The following ASAP1 variants were observed in gnomAD, a reference collection of about 807,000 sequenced individuals.
ASAP1 encodes the protein ArfGAP with SH3 domain, ankyrin repeat and PH domain 1.
In ASAP1, 43 loss-of-function variants were observed where a neutral mutation model predicts 145.2. The ratio of observed to expected loss-of-function variants is 0.30; its 90% CI spans 0.23 to 0.38. The LOEUF is 0.38. ASAP1 is among the 10% of genes least tolerant of loss of function. ASAP1 has a pLI of 1.00. For synonymous variants in ASAP1, 546 were observed against 515.5 expected, an observed-to-expected ratio of 1.06 and a Z score of -0.80; for missense variants, 1,018 against 1,355.3, an observed-to-expected ratio of 0.75 and a Z score of 3.91.
intron 2 of ASAP1, among the ~76,000 whole-genome samples, chr8:130,370,210 G>A (rs55686856): frequency 0.028 from 4,275 of 152,298 alleles, 72 homozygotes; most frequent in African/African-American, 0.048. Context: ...GCTGAGGCAG[G>A]AGAATAGCTT....
chr8:130,091,898 A>ACAGGCCACTGCC (rs2097506269), intron 25 of ASAP1, 75 bp downstream of exon 25: 1 of 1,417,754 alleles, frequency 7.1e-7, no homozygotes, highest in Admixed American at 2.8e-5. Context: ...GAATGTGCTA[A>ACAGGCCACTGCC]CAGGCCACTG....
chr8:130,123,882 C>A, intron 18 of ASAP1, 131 bp downstream of exon 18: 2 of 627,682 alleles, frequency 3.2e-6, no homozygotes, highest in Non-Finnish European at 5.5e-6. Flanking sequence ...TTTGCCTCAG[C>A]CTCCCAAAGT....
At position 130,101,732 on chromosome 8, in the gene ASAP1, A is replaced by ATTTTTTTTTTTTTTTTTT. The variant is rs59778799; in HGVS notation, c.2402-9607_2402-9590dup. Among the ~76,000 whole-genome samples the ATTTTTTTTTTTTTTTTTT allele has an allele frequency of 4.4e-3, 379 of 86,888 alleles. 30 individuals carry two copies. The highest frequency in any genetic ancestry group is 6.0e-3 in the African/African-American group (108 of 18,082). 57.0% of individuals were successfully genotyped at this position (86,888 alleles called of 152,430 possible). A position where few individuals can be genotyped will look rare whatever the true frequency, so the allele number is the denominator to read the frequency against. ...AGGCATGTGCTACCACACCTGGTTA[A>ATTTTTTTTTTTTTTTTTT]TTTTTTTTTTTTTTTTTTTTGCAGA... On this transcript the variant is annotated intron_variant, in intron 24 of 29. Coordinates refer to ENST00000518721, the MANE Select transcript of ASAP1 (RefSeq NM_018482.4).
At chr8:130,427,431 T>C (rs559364127) in intron 1 of ASAP1, among the ~76,000 whole-genome samples, 159 of 152,342 alleles carry the variant, frequency 1.0e-3, no homozygotes, top group South Asian at 3.9e-3. Context: ...CAATAAGCCC[T>C]TGCCGAGAAT....
At position 130,173,271 on chromosome 8, in the gene ASAP1, C is replaced by T. The variant is rs1813707873; in HGVS notation, c.747-4204G>A. On this transcript the variant is annotated intron_variant, in intron 9 of 29. Transcript: ENST00000518721. ...AGTCATTAGCAATGTATCAGTGACA[C>T]CATAAAAAGCAAAGGGTGACATGCT... 4.6e-5 allele frequency among the ~76,000 whole-genome samples: 7 copies of T among 152,252 alleles called. No homozygotes were observed. In the South Asian group the frequency reaches 1.5e-3, roughly 32 times the overall value.
chr8:130,301,245 G>A (rs1467435161), intron 3 of ASAP1, among the ~76,000 whole-genome samples: 2 of 152,166 alleles, frequency 1.3e-5, no homozygotes, highest in Non-Finnish European at 2.9e-5. Context: ...ACCAATGCCT[G>A]CTCTTTGAGA....
At chr8:130,241,071 G>GT (rs1457923067) in intron 3 of ASAP1, among the ~76,000 whole-genome samples, 16 of 152,114 alleles carry the variant, frequency 1.1e-4, no homozygotes, top group Admixed American at 1.0e-3. Flanking sequence ...ACAGCAGAGT[G>GT]TAAGAGCAGA....
At chr8:130,144,155 C>T (rs2097620837) in intron 13 of ASAP1, among the ~76,000 whole-genome samples, 1 of 152,168 alleles carries the variant, frequency 6.6e-6, no homozygotes, top group Non-Finnish European at 1.5e-5. Flanking sequence ...ATATTTTTGG[C>T]ATACAATCAA....
At chr8:130,395,283 A>G (rs184948645) in intron 2 of ASAP1, among the ~76,000 whole-genome samples, 1 of 152,322 alleles carries the variant, frequency 6.6e-6, no homozygotes, top group Admixed American at 6.5e-5. Context: ...CTAATATTAC[A>G]TACGTTTGAC....
intron 4 of ASAP1, among the ~76,000 whole-genome samples, chr8:130,215,525 C>T (rs572230180): frequency 6.6e-6 from 1 of 152,028 alleles, no homozygotes; most frequent in Non-Finnish European, 1.5e-5. Context: ...GGGCCGATCA[C>T]GAGGTCAGGA....
intron 1 of ASAP1, among the ~76,000 whole-genome samples, chr8:130,411,193 G>T (rs978159389): frequency 6.6e-6 from 1 of 152,156 alleles, no homozygotes; most frequent in African/African-American, 2.4e-5. Context: ...GGAGATTTCT[G>T]CAGACTATGA....
chr8:130,368,672 T>TAAG, intron 2 of ASAP1, among the ~76,000 whole-genome samples: 1 of 152,356 alleles, frequency 6.6e-6, no homozygotes, highest in South Asian at 2.1e-4. Context: ...AATATGCCTT[T>TAAG]TCTCTCTAAG....
chr8:130,070,060 G>T (rs1346672152), intron 27 of ASAP1, among the ~76,000 whole-genome samples: 2 of 152,000 alleles, frequency 1.3e-5, no homozygotes, highest in Admixed American at 6.5e-5. Context: ...TTTTTGAGAC[G>T]GAGTCTCACT....
rs763201843 is a variant in ASAP1 at position 130,060,809 on chromosome 8, C to T, written c.2962G>A (p.Asp988Asn). The change falls in exon 28 of 30, where the codon GAC (aspartate) becomes AAC (asparagine). Residue 988 changes from aspartate (D) to asparagine (N), a missense_variant. Transcript: ENST00000518721. ...SDLPPKPQMK[D>N]LPPKPQLGDL... ...CCCAGCTGTGGTTTGGGGGGCAGGT[C>T]CTTCATCTGTGGTTTGGGAGGTAAG... 2 of 1,613,966 alleles carry T rather than the reference C, an allele frequency of 1.2e-6. No homozygotes were observed. Among genetic ancestry groups the T allele is most frequent in the East Asian group, 4.5e-5 (2 of 44,874 alleles).
chr8:130,141,873 A>C (rs1343624372), intron 13 of ASAP1, among the ~76,000 whole-genome samples: 1 of 151,642 alleles, frequency 6.6e-6, no homozygotes, highest in Non-Finnish European at 1.5e-5. Flanking sequence ...ATGCCTCACC[A>C]TGCTTGACTA....
At chr8:130,180,916 A>C (rs1814312208) in intron 7 of ASAP1, 36 bp from the exon 8 acceptor site, 1 of 1,575,874 alleles carries the variant, frequency 6.3e-7, no homozygotes, top group Non-Finnish European at 8.6e-7. Flanking sequence ...TTAAAAAAAA[A>C]AAATACACTC....
intron 9 of ASAP1, 118 bp downstream of exon 9, chr8:130,179,146 A>G (rs1438561344): frequency 5.2e-6 from 3 of 578,468 alleles, no homozygotes; most frequent in Non-Finnish European, 9.0e-6. Flanking sequence ...GAAAAAGGTC[A>G]TTATATCACT....
At chr8:130,183,490 G>A (rs1016314778) in intron 7 of ASAP1, among the ~76,000 whole-genome samples, 9 of 151,858 alleles carry the variant, frequency 5.9e-5, no homozygotes, top group African/African-American at 1.7e-4. Context: ...ACAGGAACCC[G>A]CCACCACGCC....
chr8:130,356,104 T>C (rs181680988), intron 3 of ASAP1, among the ~76,000 whole-genome samples: 1 of 152,346 alleles, frequency 6.6e-6, no homozygotes, highest in East Asian at 1.9e-4. Flanking sequence ...GCTTTTAAAT[T>C]TATTAACCTT....
Sources: allele counts gnomAD v4.1 joint callset (sites outside exome capture counted in the v4.1 genomes callset), GRCh38; gene constraint gnomAD v4.1.1; transcripts MANE v1.5; gene names NCBI Gene and HGNC (gene_info 2026-07-23, HGNC 2026-07-21).